KCNH7: variants seen among roughly 807,000 people sequenced by gnomAD.
KCNH7 encodes the protein potassium voltage-gated channel subfamily H member 7, also known as voltage-gated inwardly rectifying potassium channel KCNH7.
A neutral mutation model predicts 120.8 loss-of-function variants in KCNH7; 49 were observed. That is an observed-to-expected ratio of 0.41 (90% CI 0.32 to 0.51). KCNH7 has a LOEUF of 0.51. Ranked by LOEUF, KCNH7 falls within the 20% of genes least tolerant of loss-of-function variation. The pLI is 0.38. For synonymous variants in KCNH7, 547 were observed against 516.1 expected (o/e 1.06, Z -0.81); for missense variants, 1,097 against 1,446.6 (o/e 0.76, Z 3.92).
At chr2:162,442,231 T>C (rs1463803208) in intron 7 of KCNH7, among the ~76,000 whole-genome samples, 1 of 151,630 alleles carries the variant, frequency 6.6e-6, no homozygotes, top group African/African-American at 2.4e-5. Flanking sequence ...TTTCACCGTG[T>C]TAGACAGGAT....
At chr2:162,491,034 G>T (rs907887361) in intron 6 of KCNH7, among the ~76,000 whole-genome samples, 5 of 151,852 alleles carry the variant, frequency 3.3e-5, no homozygotes, top group Non-Finnish European at 5.9e-5. Context: ...CAGTGACCAC[G>T]CAGGACAGGA....
intron 2 of KCNH7, among the ~76,000 whole-genome samples, chr2:162,717,854 C>G (rs559515419): frequency 6.6e-6 from 1 of 151,982 alleles, no homozygotes; most frequent in East Asian, 1.9e-4. Context: ...TATAAACAGT[C>G]CCTAAAGAAT....
chr2:162,472,691 G>A (rs1490930947), intron 6 of KCNH7, among the ~76,000 whole-genome samples: 1 of 152,166 alleles, frequency 6.6e-6, no homozygotes, highest in Non-Finnish European at 1.5e-5. Flanking sequence ...TGATTCCTCA[G>A]GGATCTAGAA....
intron 2 of KCNH7, among the ~76,000 whole-genome samples, chr2:162,542,031 G>A (rs950553077): frequency 6.6e-6 from 1 of 151,994 alleles, no homozygotes; most frequent in African/African-American, 2.4e-5. Flanking sequence ...GGTGTCCAGA[G>A]CACACAGACA....
At chr2:162,378,283 G>A (rs2105398818) in intron 14 of KCNH7, among the ~76,000 whole-genome samples, 1 of 152,272 alleles carries the variant, frequency 6.6e-6, no homozygotes, top group Admixed American at 6.5e-5. Flanking sequence ...TAAATGATTT[G>A]ACCCAGTAAT....
intron 2 of KCNH7, among the ~76,000 whole-genome samples, chr2:162,566,092 C>T (rs1421887626): frequency 1.3e-5 from 2 of 151,914 alleles, no homozygotes; most frequent in African/African-American, 4.8e-5. Context: ...TAGTGGGGGA[C>T]TGAAAGTTTT....
chr2:162,506,986 TG>T (rs917657142), intron 5 of KCNH7, among the ~76,000 whole-genome samples: 1 of 151,922 alleles, frequency 6.6e-6, no homozygotes, highest in African/African-American at 2.4e-5. Flanking sequence ...ATTCATGAAC[TG>T]AGCTTTAAAA....
At chr2:162,600,708 C>T (rs1378348414) in intron 2 of KCNH7, among the ~76,000 whole-genome samples, 7 of 152,086 alleles carry the variant, frequency 4.6e-5, no homozygotes, top group Non-Finnish European at 8.8e-5. Flanking sequence ...ATTAACACTT[C>T]CAATACAGAC....
At chr2:162,791,700 T>C (rs1683951269) in intron 2 of KCNH7, among the ~76,000 whole-genome samples, 1 of 152,170 alleles carries the variant, frequency 6.6e-6, no homozygotes, top group African/African-American at 2.4e-5. Context: ...TGGGGTTTTC[T>C]AGATATTGGA....
At chr2:162,744,747 T>A (rs1239147782) in intron 2 of KCNH7, among the ~76,000 whole-genome samples, 1 of 151,980 alleles carries the variant, frequency 6.6e-6, no homozygotes, top group African/African-American at 2.4e-5. Flanking sequence ...TAATTTTTTG[T>A]ATTTTTTATT....
intron 2 of KCNH7, among the ~76,000 whole-genome samples, chr2:162,829,769 T>G (rs574258843): frequency 4.6e-5 from 3 of 65,038 alleles, no homozygotes; most frequent in Non-Finnish European, 8.9e-5. Flanking sequence ...TTAGAAGTGT[T>G]CTTAAGAAAA....
intron 2 of KCNH7, among the ~76,000 whole-genome samples, chr2:162,632,277 G>A (rs1194445840): frequency 6.6e-6 from 1 of 151,874 alleles, no homozygotes; most frequent in Non-Finnish European, 1.5e-5. Flanking sequence ...CAACAACACA[G>A]CATAAAATAC....
intron 2 of KCNH7, among the ~76,000 whole-genome samples, chr2:162,759,402 G>T (rs896911758): frequency 3.9e-5 from 6 of 152,066 alleles, no homozygotes; most frequent in Non-Finnish European, 5.9e-5. Flanking sequence ...AAACTTGTCA[G>T]CAGAAAGGTC....
intron 6 of KCNH7, among the ~76,000 whole-genome samples, chr2:162,464,371 T>G (rs1267688770): frequency 2.0e-5 from 3 of 151,980 alleles, no homozygotes; most frequent in Non-Finnish European, 4.4e-5. Context: ...CTACAAGGAC[T>G]TTTTATGTCT....
chr2:162,659,255 A>T (rs1684873145), intron 2 of KCNH7, among the ~76,000 whole-genome samples: 2 of 151,530 alleles, frequency 1.3e-5, no homozygotes, highest in Non-Finnish European at 2.9e-5. Flanking sequence ...TGTTGATGTG[A>T]TGGATTCCAT....
chr2:162,686,880 T>C (rs1164643011), intron 2 of KCNH7, among the ~76,000 whole-genome samples: 2 of 152,210 alleles, frequency 1.3e-5, no homozygotes, highest in East Asian at 3.9e-4. Flanking sequence ...GATGAACAAT[T>C]TTCTGTTCGT....
At chr2:162,372,675 G>T (rs544829083) in intron 15 of KCNH7, among the ~76,000 whole-genome samples, 1 of 151,924 alleles carries the variant, frequency 6.6e-6, no homozygotes, top group African/African-American at 2.4e-5. Context: ...TTTCCAGAAC[G>T]TCTTAAATTA....
chr2:162,673,508 T>C lies in KCNH7; in HGVS notation c.308-136428A>G, dbSNP rs185932119. Among the ~76,000 whole-genome samples, 189 of 152,168 alleles carry C rather than the reference T, an allele frequency of 1.2e-3. 2 individuals are homozygous for C. Among genetic ancestry groups the C allele is most frequent in the Non-Finnish European group, 1.9e-3 (131 of 67,964 alleles). On this transcript the variant is annotated intron_variant, in intron 2 of 15. Transcript: ENST00000332142. ...CAGGGTCTGGGATTTGGCTACGTGA[T>C]TTACTTTGGCTGATAGAATGTGAAG... is the stretch of plus-strand genomic sequence containing the variant.
chr2:162,534,466 C>A (rs1558999674), intron 3 of KCNH7, among the ~76,000 whole-genome samples: 1 of 151,174 alleles, frequency 6.6e-6, no homozygotes, highest in East Asian at 1.9e-4. Flanking sequence ...TAAAATACTA[C>A]CTTGCATAAT....
Sources: allele counts gnomAD v4.1 joint callset (sites outside exome capture counted in the v4.1 genomes callset), GRCh38; gene constraint gnomAD v4.1.1; transcripts MANE v1.5; gene names NCBI Gene and HGNC (gene_info 2026-07-23, HGNC 2026-07-21).